GRM7: variants seen among roughly 807,000 people sequenced by gnomAD.
GRM7 encodes the protein glutamate metabotropic receptor 7, also known as metabotropic glutamate receptor 7.
GRM7 carries 35 observed loss-of-function variants against 84.5 expected under a neutral mutation model. The observed-to-expected ratio is 0.41, with a 90% CI of 0.32 to 0.55. GRM7 has a LOEUF of 0.55. Among genes scored for constraint, GRM7 ranks in the 20% least tolerant of loss-of-function variants. GRM7 has a pLI of 0.19. For missense variants in GRM7, 1,003 were observed against 1,194.6 expected, an observed-to-expected ratio of 0.84 and a Z score of 2.36; for synonymous variants, 487 against 455.1, an observed-to-expected ratio of 1.07 and a Z score of -0.89.
At chr3:7,488,742 A>G (rs938990477) in intron 7 of GRM7, among the ~76,000 whole-genome samples, 18 of 152,182 alleles carry the variant, frequency 1.2e-4, no homozygotes, top group African/African-American at 3.9e-4. Flanking sequence ...TGTTATTACA[A>G]CATTAAGCTG....
chr3:6,967,437 G>A (rs550403858), intron 1 of GRM7, among the ~76,000 whole-genome samples: 3 of 152,148 alleles, frequency 2.0e-5, no homozygotes, highest in East Asian at 1.9e-4. Context: ...TCAAATGATC[G>A]GCTCACTTTG....
At chr3:7,663,306 C>T (rs3792438) in intron 8 of GRM7, among the ~76,000 whole-genome samples, 81,609 of 152,024 alleles carry the variant, frequency 0.54, 23,343 homozygotes, top group East Asian at 0.85. Context: ...CTGTCCCACT[C>T]GGCACAAGGA....
chr3:7,210,731 C>T (rs181173281), intron 2 of GRM7, among the ~76,000 whole-genome samples: 91 of 151,900 alleles, frequency 6.0e-4, no homozygotes, highest in African/African-American at 2.1e-3. Context: ...TTTCCTCACA[C>T]GCTCTGGGCA....
intron 1 of GRM7, among the ~76,000 whole-genome samples, chr3:7,011,301 A>G (rs762710789): frequency 2.6e-5 from 4 of 152,372 alleles, no homozygotes; most frequent in Non-Finnish European, 5.9e-5. Flanking sequence ...CTTTATATGT[A>G]GAAGAGCTCT....
intron 1 of GRM7, among the ~76,000 whole-genome samples, chr3:6,944,115 C>T (rs1015357875): frequency 4.0e-5 from 6 of 151,846 alleles, no homozygotes; most frequent in Non-Finnish European, 8.8e-5. Context: ...GTGACCATAC[C>T]GTCTTCAAAT....
intron 1 of GRM7, among the ~76,000 whole-genome samples, chr3:6,961,899 C>A (rs1026796700): frequency 6.6e-6 from 1 of 152,216 alleles, no homozygotes; most frequent in South Asian, 2.1e-4. Flanking sequence ...CTACACTACA[C>A]CATCCCATCT....
intron 4 of GRM7, among the ~76,000 whole-genome samples, chr3:7,365,544 T>A (rs921748166): frequency 6.6e-6 from 1 of 151,140 alleles, no homozygotes; most frequent in Non-Finnish European, 1.5e-5. Flanking sequence ...TCAAATAAAC[T>A]TTATTTCCTA....
intron 7 of GRM7, among the ~76,000 whole-genome samples, chr3:7,512,530 A>T (rs1288662084): frequency 6.6e-6 from 1 of 151,984 alleles, no homozygotes; most frequent in African/African-American, 2.4e-5. Flanking sequence ...AGTACTTTAG[A>T]AATCTTTTTG....
intron 9 of GRM7, among the ~76,000 whole-genome samples, chr3:7,708,610 G>A (rs183302632): frequency 1.5e-3 from 232 of 152,206 alleles, no homozygotes; most frequent in African/African-American, 4.0e-3. Context: ...TTTGAAGAGC[G>A]AGCCTAAACT....
intron 1 of GRM7, among the ~76,000 whole-genome samples, chr3:6,937,484 T>C (rs572112045): frequency 6.6e-6 from 1 of 152,310 alleles, no homozygotes; most frequent in African/African-American, 2.4e-5. Context: ...TGAATGCATC[T>C]AGTATAAATA....
intron 7 of GRM7, among the ~76,000 whole-genome samples, chr3:7,493,328 A>C (rs191121606): frequency 1.8e-4 from 27 of 151,982 alleles, no homozygotes; most frequent in Admixed American, 1.6e-3. Context: ...TGTTTATTTC[A>C]TGTATTCTGA....
At chr3:7,697,716 C>A (rs901172605) in intron 9 of GRM7, among the ~76,000 whole-genome samples, 1 of 152,096 alleles carries the variant, frequency 6.6e-6, no homozygotes, top group South Asian at 2.1e-4. Context: ...GAATTATTAG[C>A]GCTACATAGC....
At chr3:7,489,883 C>A (rs937298630) in intron 7 of GRM7, among the ~76,000 whole-genome samples, 2 of 151,452 alleles carry the variant, frequency 1.3e-5, no homozygotes, top group African/African-American at 4.8e-5. Flanking sequence ...TGACATATAA[C>A]AGATTCATTA....
intron 1 of GRM7, among the ~76,000 whole-genome samples, chr3:7,052,982 A>G (rs901486492): frequency 4.0e-5 from 6 of 150,912 alleles, no homozygotes; most frequent in Admixed American, 3.3e-4. Context: ...TCTTTTCCAA[A>G]GTGGCTATAT....
At chr3:7,508,124 A>G (rs781202548) in intron 7 of GRM7, among the ~76,000 whole-genome samples, 1 of 152,154 alleles carries the variant, frequency 6.6e-6, no homozygotes, top group Non-Finnish European at 1.5e-5. Context: ...ATACTTGCCA[A>G]TTTTTTAGTG....
chr3:7,479,551 C>A (rs1699049414), intron 7 of GRM7, among the ~76,000 whole-genome samples: 1 of 152,090 alleles, frequency 6.6e-6, no homozygotes, highest in African/African-American at 2.4e-5. Flanking sequence ...TGATGTCTAA[C>A]CTATAGGGCC....
intron 1 of GRM7, among the ~76,000 whole-genome samples, chr3:6,904,965 T>C (rs538263544): frequency 6.6e-6 from 1 of 152,262 alleles, no homozygotes; most frequent in South Asian, 2.1e-4. Context: ...TCAATTCTCC[T>C]GTCCCGGCTG....
At chr3:7,488,743 C>T (rs1056802201) in intron 7 of GRM7, among the ~76,000 whole-genome samples, 4 of 152,164 alleles carry the variant, frequency 2.6e-5, no homozygotes, top group Non-Finnish European at 5.9e-5. Context: ...GTTATTACAA[C>T]ATTAAGCTGA....
At chr3:7,144,825 A>G (rs1050805890) in intron 1 of GRM7, among the ~76,000 whole-genome samples, 3 of 152,174 alleles carry the variant, frequency 2.0e-5, no homozygotes, top group Non-Finnish European at 4.4e-5. Flanking sequence ...CAAGTTGCTC[A>G]GGTAGAAGGA....
Sources: allele counts gnomAD v4.1 joint callset (sites outside exome capture counted in the v4.1 genomes callset), GRCh38; gene constraint gnomAD v4.1.1; transcripts MANE v1.5; gene names NCBI Gene and HGNC (gene_info 2026-07-23, HGNC 2026-07-21).